Variants in PTPRH observed in about 807,000 individuals in gnomAD.
PTPRH encodes the protein protein tyrosine phosphatase receptor type H, also known as receptor-type tyrosine-protein phosphatase H.
In PTPRH, 113 loss-of-function variants were observed where a neutral mutation model predicts 130.2. That is an observed-to-expected ratio of 0.87 (90% CI 0.75 to 1.01). PTPRH has a LOEUF of 1.01. Among genes scored for constraint, PTPRH ranks in the 50% least tolerant of loss-of-function variants. The pLI is 0.00. For synonymous variants in PTPRH, 556 were observed against 577.9 expected, an observed-to-expected ratio of 0.96 and a Z score of 0.54; for missense variants, 1,430 against 1,425.0, an observed-to-expected ratio of 1.00 and a Z score of -0.06.
chr19:55,190,215 C>CTA (rs2086484348), intron 12 of PTPRH, among the ~76,000 whole-genome samples: 1 of 150,262 alleles, frequency 6.7e-6, no homozygotes, highest in Non-Finnish European at 1.5e-5. Context: ...CTAAAAAATA[C>CTA]AAAAATTAGC....
At chr19:55,191,169 A>G (rs2086524137) in intron 12 of PTPRH, among the ~76,000 whole-genome samples, 1 of 152,160 alleles carries the variant, frequency 6.6e-6, no homozygotes, top group Non-Finnish European at 1.5e-5. Context: ...CTCCTGTACT[A>G]GAATATAAGC....
intron 11 of PTPRH, 56 bp downstream of exon 11, chr19:55,191,607 C>A (rs1447784088): frequency 1.2e-6 from 2 of 1,612,066 alleles, no homozygotes; most frequent in Non-Finnish European, 1.7e-6. Flanking sequence ...CAGCGGTCCT[C>A]CTCCTTCTTC....
rs368912747 is a variant in PTPRH at position 55,196,510 on chromosome 19, G to A, written c.2257+12C>T. ...TTCATCATAGCTGGCTGGCCCGCGC[G>A]GCTCCGCTCACCTGCACTCTCGGTG... is the stretch of plus-strand genomic sequence containing the variant. On this transcript the variant is annotated intron_variant, in intron 10 of 19. Coordinates refer to ENST00000376350, the MANE Select transcript of PTPRH (RefSeq NM_002842.5). The A allele has an allele frequency of 2.7e-5, 44 of 1,602,346 alleles. No homozygotes were observed. The highest frequency in any genetic ancestry group is 1.9e-4 in the African/African-American group (14 of 74,632).
At chr19:55,195,130 G>C (rs1241141134) in intron 10 of PTPRH, among the ~76,000 whole-genome samples, 1 of 152,104 alleles carries the variant, frequency 6.6e-6, no homozygotes, top group Non-Finnish European at 1.5e-5. Context: ...TTTGAGACCA[G>C]CCTGGCCAAC....
chr19:55,207,293 C>T (rs2087101615), intron 1 of PTPRH, 94 bp from the exon 2 acceptor site: 9 of 1,378,864 alleles, frequency 6.5e-6, no homozygotes, highest in East Asian at 2.5e-5. Flanking sequence ...GTCCCCGCCC[C>T]ATGAGTCACC....
intron 2 of PTPRH, 102 bp from the exon 3 acceptor site, chr19:55,207,057 T>C (rs1362661835): frequency 1.9e-6 from 3 of 1,565,928 alleles, no homozygotes; most frequent in Non-Finnish European, 2.6e-6. Flanking sequence ...ACGGCGCTCA[T>C]AAACCCCTAC....
rs553156390 is a variant in PTPRH, at chr19:55,191,894, A to G, written c.2258-153T>C. On this transcript the variant is annotated intron_variant, in intron 10 of 19. Transcript: ENST00000376350. ...CGGTGTGAATTGCGTCGGTCCAGTTATACTTACGCGCTTACCCATGGATTT... is the reference window on the plus strand; with the variant it reads ...CGGTGTGAATTGCGTCGGTCCAGTTGTACTTACGCGCTTACCCATGGATTT... 1.8e-5 allele frequency: 13 copies of G among 739,974 alleles called. No individual in the cohort carries two copies. In the Admixed American group the frequency reaches 2.0e-4, roughly 11 times the overall value. The allele number at this position is 739,974 out of a possible 1,614,324, so 45.8% of individuals were successfully genotyped here.
chr19:55,191,990 A>T, intron 10 of PTPRH: 1 of 642,878 alleles, frequency 1.6e-6, no homozygotes, highest in Non-Finnish European at 2.9e-6. Flanking sequence ...ACTCAACGCG[A>T]AGACTACAAG....
chr19:55,203,513 T>C (rs552365166), intron 5 of PTPRH, among the ~76,000 whole-genome samples: 32 of 151,230 alleles, frequency 2.1e-4, no homozygotes, highest in Admixed American at 1.8e-3. Context: ...CCTCCCGGGC[T>C]CAAGCGATCC....
At chr19:55,202,538 G>A (rs952685476) in intron 5 of PTPRH, among the ~76,000 whole-genome samples, 11 of 151,986 alleles carry the variant, frequency 7.2e-5, no homozygotes, top group African/African-American at 2.2e-4. Flanking sequence ...ACCGGCTTTC[G>A]AAGAGTTCGT....
In PTPRH at chr19:55,200,489, C is replaced by T. The variant is rs2086825515; in HGVS notation, c.1167G>A (p.Val389=). The T allele has an allele frequency of 6.2e-7, 1 of 1,614,104 alleles. No homozygotes were observed. The highest frequency in any genetic ancestry group is 1.3e-5 in the African/African-American group (1 of 75,044). Residue 389 remains valine, a synonymous_variant, in exon 7 of 20, where the codon GTG becomes GTA. Transcript: ENST00000376350. ...TCTGAGTCTCCATATGGAGGTTTCT[C>T]ACTGGGTTGGGGGCTGAGAAAGTAG... The part of the protein sequence containing the change: ...TRNATTAPNP[V]RNLHMETQTN...
At position 55,186,216 on chromosome 19, in the gene PTPRH, A is replaced by ATC. The variant is rs2086320381; in HGVS notation, c.2778+7_2778+8dup. 6 of 1,605,154 alleles carry ATC rather than the reference A, an allele frequency of 3.7e-6. No individual in the cohort carries two copies. Among genetic ancestry groups the ATC allele is most frequent in the Non-Finnish European group, 5.1e-6 (6 of 1,173,930 alleles). ...CACCCAGTCAGCACCCAGGACTCAG[A>ATC]TCTCTCACCCGGCCGGCCTCCATGC... On this transcript the variant is annotated intron_variant, in intron 16 of 19. Coordinates refer to ENST00000376350, the MANE Select transcript of PTPRH (RefSeq NM_002842.5).
intron 4 of PTPRH, among the ~76,000 whole-genome samples, chr19:55,204,809 A>G (rs959568020): frequency 1.3e-5 from 2 of 152,214 alleles, no homozygotes; most frequent in Non-Finnish European, 2.9e-5. Context: ...GCTTTCAAAC[A>G]TATGAAATGT....
In PTPRH at chr19:55,206,729, G is replaced by A. The variant is rs758311383; in HGVS notation, c.312C>T (p.Asp104=). Residue 104 remains aspartate (D), a synonymous_variant, in exon 3 of 20, where the codon GAC becomes GAT. Coordinates refer to ENST00000376350, the MANE Select transcript of PTPRH (RefSeq NM_002842.5). ...LYTCSVWVEK[D]GVNSSVGTVT... ...CAGTCCCCACAGAGCTATTTACTCC[G>A]TCTTTCTCCACCCACACAGAACACG... is the stretch of plus-strand genomic sequence containing the variant. 14 of 1,612,810 alleles carry A rather than the reference G, an allele frequency of 8.7e-6. No homozygotes were observed. The highest frequency in any genetic ancestry group is 2.2e-5 in the South Asian group (2 of 91,052).
intron 12 of PTPRH, among the ~76,000 whole-genome samples, chr19:55,188,628 A>G (rs559901084): frequency 1.3e-5 from 2 of 152,306 alleles, no homozygotes; most frequent in East Asian, 3.9e-4. Flanking sequence ...TCCTATCACC[A>G]TGGCTTGGAG....
chr19:55,187,020 G>A (rs933474120), intron 14 of PTPRH, among the ~76,000 whole-genome samples: 6 of 150,484 alleles, frequency 4.0e-5, no homozygotes, highest in African/African-American at 1.5e-4. Flanking sequence ...ACTCCAGCCT[G>A]GGTGACAGCA....
intron 4 of PTPRH, 102 bp from the exon 5 acceptor site, chr19:55,204,150 C>T: frequency 2.3e-6 from 3 of 1,307,888 alleles, no homozygotes; most frequent in East Asian, 4.8e-5. Flanking sequence ...GACAGAGTCT[C>T]TGTCTGTCAT....
intron 18 of PTPRH, among the ~76,000 whole-genome samples, chr19:55,184,973 T>C (rs764740658): frequency 4.6e-5 from 7 of 151,854 alleles, no homozygotes; most frequent in Non-Finnish European, 8.8e-5. Flanking sequence ...GCATTCAACC[T>C]TCTCTGCCTT....
intron 2 of PTPRH, 21 bp from the exon 3 acceptor site, chr19:55,206,976 T>G: frequency 6.4e-7 from 1 of 1,569,484 alleles, no homozygotes; most frequent in Admixed American, 1.8e-5. Flanking sequence ...GGAAGGAAGG[T>G]CTGACAAAAA....
Sources: gnomAD v4.1 joint callset for allele counts (sites outside exome capture counted in the v4.1 genomes callset) on GRCh38, gnomAD v4.1.1 for gene constraint, MANE v1.5 for transcripts, NCBI Gene and HGNC (gene_info 2026-07-23, HGNC 2026-07-21) for gene names.